GGNBP2: variants seen among roughly 807,000 people sequenced by gnomAD.
GGNBP2 encodes gametogenetin binding protein 2.
GGNBP2 carries 10 observed loss-of-function variants against 85.9 expected under a neutral mutation model. The observed-to-expected ratio is 0.12, with a 90% CI of 0.07 to 0.20. GGNBP2 has a LOEUF of 0.20. Ranked by LOEUF, GGNBP2 falls within the 10% of genes least tolerant of loss-of-function variation. The pLI, the probability that GGNBP2 is intolerant of heterozygous loss-of-function variation, is 1.00. For missense variants in GGNBP2, 595 were observed against 857.8 expected (o/e 0.69, Z 3.83); for synonymous variants, 287 against 285.7 (o/e 1.00, Z -0.05).
At chr17:36,575,277 C>A in intron 6 of GGNBP2, 1 of 556,516 alleles carries the variant, frequency 1.8e-6, no homozygotes. Flanking sequence ...CTGCATTTCC[C>A]CATCCCAGGC....
chr17:36,581,386 C>G lies in GGNBP2; in HGVS notation c.1063C>G (p.Leu355Val), dbSNP rs1452479688. ...ACAGGGTATTAGCAGATTGGAACAA[C>G]TTTGTGAGGAATTTTCAGAAGAGGA... is the stretch of plus-strand genomic sequence containing the variant. Reference protein sequence around the residue: ...KVQGISRLEQLCEEFSEEERV... With the variant: ...KVQGISRLEQVCEEFSEEERV... Residue 355 changes from leucine to valine, a missense_variant, in exon 9 of 14, where the codon CTT becomes GTT. Leu to Val is a conservative substitution (Grantham distance 32). This residue lies in a region of GGNBP2 where 92 missense variants were observed against 183.9 expected (regional missense o/e 0.50). Transcript: ENST00000613102. 1 of 1,613,116 alleles carries G rather than the reference C, an allele frequency of 6.2e-7. No individual in the cohort carries two copies. The highest frequency in any genetic ancestry group is 8.5e-7 in the Non-Finnish European group (1 of 1,179,618).
In GGNBP2 at chr17:36,575,648, A is replaced by ATATATATTT. The variant is rs374366757; in HGVS notation, c.642-2334_642-2333insATATATTTT. 1.2e-3 allele frequency among the ~76,000 whole-genome samples: 64 copies of ATATATATTT among 54,882 alleles called. 1 individual carries two copies. Among genetic ancestry groups the ATATATATTT allele is most frequent in the East Asian group, 1.9e-3 (3 of 1,584 alleles). The allele number at this position is 54,882 out of a possible 152,430, so 36.0% of individuals were successfully genotyped here. ...TATATATATATATATATATATATAT[A>ATATATATTT]TTTTTTTTTTTTTTTGAGATGGAGT... On this transcript the variant is annotated intron_variant, in intron 6 of 13. Coordinates refer to ENST00000613102, the MANE Select transcript of GGNBP2 (RefSeq NM_024835.5).
Position 36,585,358 on chromosome 17 carries a change from A to C in GGNBP2, c.1274A>C (p.Asn425Thr). 6.2e-7 allele frequency: 1 copy of C among 1,612,736 alleles called. No individual in the cohort carries two copies. Among genetic ancestry groups the C allele is most frequent in the Non-Finnish European group, 8.5e-7 (1 of 1,178,936 alleles). Residue 425 changes from asparagine to threonine, a missense_variant, in exon 10 of 14, where the codon AAT (asparagine) becomes ACT (threonine). Asn to Thr is a moderately conservative substitution (Grantham distance 65, BLOSUM62 0). Coordinates refer to ENST00000613102, the MANE Select transcript of GGNBP2 (RefSeq NM_024835.5). ...CKACGSTEDG[N>T]TCVEVIVTNE... ...GCCTGTGGCAGCACTGAAGATGGTA[A>C]TACTTGTGTAGAAGTAATTGTTACC...
intron 6 of GGNBP2, among the ~76,000 whole-genome samples, chr17:36,568,054 T>C (rs1017751726): frequency 1.3e-5 from 2 of 151,844 alleles, no homozygotes; most frequent in African/African-American, 4.8e-5. Flanking sequence ...GCGTCTCGAG[T>C]AGCTGGGATT....
chr17:36,553,054 G>A (rs1166315950), intron 2 of GGNBP2, among the ~76,000 whole-genome samples: 3 of 149,454 alleles, frequency 2.0e-5, no homozygotes, highest in Non-Finnish European at 4.5e-5. Flanking sequence ...TATTGAAATG[G>A]AAGCATGTCT....
At chr17:36,554,311 A>C (rs1237666148) in intron 2 of GGNBP2, among the ~76,000 whole-genome samples, 1 of 146,198 alleles carries the variant, frequency 6.8e-6, no homozygotes, top group Non-Finnish European at 1.5e-5. Flanking sequence ...TCCGTCTCAA[A>C]AAAAAAAAAA....
intron 9 of GGNBP2, chr17:36,582,458 C>T (rs2074660641): frequency 6.6e-6 from 1 of 152,146 alleles, no homozygotes; most frequent in African/African-American, 2.4e-5. Flanking sequence ...AAAGTCTGTA[C>T]ATGTTCAGTA....
chr17:36,545,535 C>G (rs889565881), intron 1 of GGNBP2, 84 bp from the exon 2 acceptor site: 34 of 525,806 alleles, frequency 6.5e-5, no homozygotes, highest in African/African-American at 5.8e-4. Context: ...CTCTCCCGTA[C>G]CCTCCCGCTC....
At chr17:36,577,506 G>T (rs1251298048) in intron 6 of GGNBP2, 8 of 159,374 alleles carry the variant, frequency 5.0e-5, no homozygotes, top group Admixed American at 3.1e-4. Flanking sequence ...TGCTTAGCTA[G>T]TGAAATATTA....
chr17:36,578,327 C>T (rs142083015), intron 7 of GGNBP2, 141 bp downstream of exon 7: 162 of 629,684 alleles, frequency 2.6e-4, no homozygotes, highest in Non-Finnish European at 3.9e-4. Context: ...TTTTGCTTCT[C>T]TTTAAAGTAT....
chr17:36,581,356 A>G lies in GGNBP2; in HGVS notation c.1033A>G (p.Lys345Glu). 6.3e-7 allele frequency: 1 copy of G among 1,591,302 alleles called. No homozygotes were observed. The highest frequency in any genetic ancestry group is 8.5e-7 in the Non-Finnish European group (1 of 1,171,140). The change falls in exon 9 of 14, where the codon AAA becomes GAA. Residue 345 changes from lysine to glutamate, a missense_variant. Physicochemically the swap from Lys to Glu is moderately conservative, Grantham distance 56 (BLOSUM62 1). Transcript: ENST00000613102. Reference sequence around the variant, plus strand: ...ATTTTTATAATAGATGACCGTGGAAAAAGTACAGGGTATTAGCAGATTGGA... The same window carrying G: ...ATTTTTATAATAGATGACCGTGGAAGAAGTACAGGGTATTAGCAGATTGGA... ...LRKSFEMTVE[K>E]VQGISRLEQL... is the part of the protein sequence containing the mutation.
chr17:36,576,538 A>G, intron 6 of GGNBP2: 1 of 100,714 alleles, frequency 9.9e-6, no homozygotes, highest in Non-Finnish European at 1.9e-5. Context: ...TGGGCAACAG[A>G]GAGAGACTCT....
chr17:36,585,849 C>T lies in GGNBP2; in HGVS notation c.1376C>T (p.Pro459Leu), dbSNP rs768877019. The T allele has an allele frequency of 8.1e-6, 13 of 1,613,192 alleles. 1 individual carries two copies. The South Asian group carries it at 1.4e-4, about 18-fold the overall frequency. The change falls in exon 11 of 14, where the codon CCA becomes CTA. Residue 459 changes from proline to leucine, a missense_variant. Coordinates refer to ENST00000613102, the MANE Select transcript of GGNBP2 (RefSeq NM_024835.5). ...CTTGATTTATTCTCAGGCTTATCTCCACACTGTAATGGTAGTGATTGTGGA... is the reference window on the plus strand; with the variant it reads ...CTTGATTTATTCTCAGGCTTATCTCTACACTGTAATGGTAGTGATTGTGGA... ...GSPKIKKGLS[P>L]HCNGSDCGYS... is the part of the protein sequence containing the mutation.
At chr17:36,586,292 G>A in intron 12 of GGNBP2, 94 bp downstream of exon 12, 1 of 1,461,664 alleles carries the variant, frequency 6.8e-7, no homozygotes, top group South Asian at 1.4e-5. Context: ...TAGCTGCTAG[G>A]ATTTACTTTT....
At chr17:36,583,350 C>T (rs138675852) in intron 9 of GGNBP2, among the ~76,000 whole-genome samples, 157 of 152,108 alleles carry the variant, frequency 1.0e-3, no homozygotes, top group Admixed American at 2.4e-3. Flanking sequence ...CCGCGCCTGA[C>T]GGAATATACT....
In GGNBP2 at chr17:36,579,303, T is replaced by G. The variant is rs758947121; in HGVS notation, c.904T>G (p.Leu302Val). 1.9e-6 allele frequency: 3 copies of G among 1,614,098 alleles called. No individual in the cohort carries two copies. Among genetic ancestry groups the G allele is most frequent in the Non-Finnish European group, 2.5e-6 (3 of 1,180,030 alleles). ...DIAQEEVLTC[L>V]GIHLYERLHR... ...AGCTCAAGAAGAAGTTCTGACCTGC[T>G]TGGGAATTCATCTTTATGAAAGACT... The change falls in exon 8 of 14, where the codon TTG becomes GTG. Residue 302 changes from leucine (L) to valine (V), a missense_variant. Physicochemically the swap from Leu to Val is conservative, Grantham distance 32. Transcript: ENST00000613102.
chr17:36,551,301 G>A (rs2142684881), intron 2 of GGNBP2, among the ~76,000 whole-genome samples: 1 of 151,788 alleles, frequency 6.6e-6, no homozygotes, highest in South Asian at 2.1e-4. Flanking sequence ...CCGCCTTCTG[G>A]GTTCAAGTGA....
At chr17:36,571,900 A>C (rs904160849) in intron 6 of GGNBP2, among the ~76,000 whole-genome samples, 1 of 151,782 alleles carries the variant, frequency 6.6e-6, no homozygotes, top group African/African-American at 2.4e-5. Flanking sequence ...AAAATAAAAA[A>C]ATTAGCTGGG....
At position 36,545,680 on chromosome 17, in the gene GGNBP2, A is replaced by T. The variant is rs1172001490; in HGVS notation, c.-45A>T. 1 of 1,426,978 alleles carries T rather than the reference A, an allele frequency of 7.0e-7. No individual in the cohort carries two copies. Among genetic ancestry groups the T allele is most frequent in the Non-Finnish European group, 9.7e-7 (1 of 1,036,046 alleles). 88.4% of individuals were successfully genotyped at this position (1,426,978 alleles called of 1,614,324 possible). On this transcript the variant is annotated 5_prime_UTR_variant, in exon 2 of 14. Transcript: ENST00000613102. ...AAACAGCAGCGGCGGCGGCGGCGGC[A>T]GCTGGGAGGAGGTGGTGACGGTGGC... is the stretch of plus-strand genomic sequence containing the variant.
Sources: gnomAD v4.1 joint callset for allele counts (sites outside exome capture counted in the v4.1 genomes callset) on GRCh38, gnomAD v4.1.1 for gene constraint, gnomAD v4.1.1 regional missense constraint, MANE v1.5 for transcripts, NCBI Gene and HGNC (gene_info 2026-07-23, HGNC 2026-07-21) for gene names.